The following KIRREL3 variants were observed in gnomAD, a reference collection of about 807,000 sequenced individuals.
The protein encoded by KIRREL3 is kirre like nephrin family adhesion molecule 3.
In KIRREL3, 36 loss-of-function variants were observed where a neutral mutation model predicts 89.7. The observed-to-expected ratio is 0.40, with a 90% CI of 0.31 to 0.53. The LOEUF (loss-of-function observed/expected upper bound fraction) is 0.53. KIRREL3 is among the 20% of genes least tolerant of loss of function. The probability of loss-of-function intolerance (pLI) is 0.49; values close to 1 mark genes in which losing one functional copy is unlikely to be tolerated. For missense variants in KIRREL3, 864 were observed against 1,056.6 expected, an observed-to-expected ratio of 0.82 and a Z score of 2.53; for synonymous variants, 445 against 441.4, an observed-to-expected ratio of 1.01 and a Z score of -0.10.
rs1642906350 is a variant in KIRREL3 at position 126,569,389 on chromosome 11, GGTAGACTCTGCTACAA to G, written c.56-6493_56-6478del. 1.3e-5 allele frequency among the ~76,000 whole-genome samples: 2 copies of G among 152,184 alleles called. No individual in the cohort carries two copies. The highest frequency in any genetic ancestry group is 3.9e-4 in the East Asian group (2 of 5,160). ...GGGGAAACAGCAGTTGGATCCTGTGGGTAGACTCTGCTACAAGCATTAATCCTACCCCTCTGGAACC... is the reference window on the plus strand; with the variant it reads ...GGGGAAACAGCAGTTGGATCCTGTGGGCATTAATCCTACCCCTCTGGAACC... On this transcript the variant is annotated intron_variant, in intron 1 of 16. Coordinates refer to ENST00000525144, the MANE Select transcript of KIRREL3 (RefSeq NM_032531.4). This position sits in a 1 kb window ranked among gnomAD's most constrained non-coding sequence, Gnocchi z 6.5.
At chr11:126,518,351 A>G (rs886899741) in intron 4 of KIRREL3, among the ~76,000 whole-genome samples, 2 of 152,218 alleles carry the variant, frequency 1.3e-5, no homozygotes, top group Admixed American at 6.5e-5. Context: ...TCTGTTGGCT[A>G]TATAATCTCT....
intron 4 of KIRREL3, among the ~76,000 whole-genome samples, chr11:126,500,295 T>G (rs1957813476): frequency 2.0e-5 from 3 of 152,164 alleles, no homozygotes; most frequent in Admixed American, 2.0e-4. Context: ...TTAATTTAAA[T>G]TTAAATAGCC....
At chr11:126,967,868 A>G (rs1188344679) in intron 1 of KIRREL3, among the ~76,000 whole-genome samples, 1 of 152,114 alleles carries the variant, frequency 6.6e-6, no homozygotes, top group African/African-American at 2.4e-5. Flanking sequence ...TACAATGCAC[A>G]AGACAACCCC....
chr11:126,585,147 C>T, intron 1 of KIRREL3, among the ~76,000 whole-genome samples: 1 of 150,890 alleles, frequency 6.6e-6, no homozygotes, highest in Non-Finnish European at 1.5e-5. Context: ...TCTCGATCTC[C>T]TGACCTCGCG....
intron 4 of KIRREL3, among the ~76,000 whole-genome samples, chr11:126,505,148 T>A (rs1407367762): frequency 1.3e-5 from 2 of 152,252 alleles, no homozygotes; most frequent in African/African-American, 4.8e-5. Context: ...TACTGTAAGT[T>A]CTAGCCAGTG....
chr11:126,521,378 C>G lies in KIRREL3; in HGVS notation c.370G>C (p.Val124Leu). 6.4e-7 allele frequency: 1 copy of G among 1,561,154 alleles called. No homozygotes were observed. The highest frequency in any genetic ancestry group is 8.7e-7 in the Non-Finnish European group (1 of 1,152,782). The change falls in exon 4 of 17, where the codon GTG (valine) becomes CTG (leucine). Residue 124 changes from valine (V) to leucine (L), a missense_variant. Val to Leu is a conservative substitution (Grantham distance 32). Transcript: ENST00000525144. This position sits in a 1 kb window ranked among gnomAD's most constrained non-coding sequence, Gnocchi z 4.1. ...GCCTGGATGGCCTGGCACTCGTACA[C>G]CGCATCGTCTTGCAGCTCTGCCCTC... The part of the protein sequence containing the change: ...ILRAELQDDA[V>L]YECQAIQAAI...
intron 1 of KIRREL3, among the ~76,000 whole-genome samples, chr11:126,722,569 A>C (rs1592021057): frequency 6.6e-6 from 1 of 152,278 alleles, no homozygotes; most frequent in Admixed American, 6.5e-5. Context: ...TGTATTGTCT[A>C]TGACTACTTT....
rs746202566 is a variant in KIRREL3, at chr11:126,576,090, C to T, written c.56-13178G>A. On this transcript the variant is annotated intron_variant, in intron 1 of 16. Coordinates refer to ENST00000525144, the MANE Select transcript of KIRREL3 (RefSeq NM_032531.4). The surrounding 1 kb of genome is among the most constrained non-coding windows in gnomAD (Gnocchi z 5.4). Reference sequence around the variant, plus strand: ...GCACTCAGTGCACATGTGTATGTGACGAGTAACTCCACAGACAGGGATGAT... The same window carrying T: ...GCACTCAGTGCACATGTGTATGTGATGAGTAACTCCACAGACAGGGATGAT... 4.3e-4 allele frequency among the ~76,000 whole-genome samples: 65 copies of T among 152,254 alleles called. No homozygotes were observed. The highest frequency in any genetic ancestry group is 3.4e-3 in the Middle Eastern group (1 of 294).
At chr11:126,979,676 C>G (rs978378884) in intron 1 of KIRREL3, among the ~76,000 whole-genome samples, 6 of 152,142 alleles carry the variant, frequency 3.9e-5, no homozygotes, top group African/African-American at 1.4e-4. Flanking sequence ...TCAGTTTCCT[C>G]GTCAGCAAAA....
Position 126,780,906 on chromosome 11 carries a change from C to T in KIRREL3, c.56-217994G>A, listed in dbSNP as rs976254341. Among the ~76,000 whole-genome samples, 1 of 152,198 alleles carries T rather than the reference C, an allele frequency of 6.6e-6. No homozygotes were observed. The highest frequency in any genetic ancestry group is 2.4e-5 in the African/African-American group (1 of 41,444). ...TCATCTATAAAATGGGATGAAGCTGCCTTATGGCTTAGTTTGTTATGAGTT... is the reference window on the plus strand; with the variant it reads ...TCATCTATAAAATGGGATGAAGCTGTCTTATGGCTTAGTTTGTTATGAGTT... On this transcript the variant is annotated intron_variant, in intron 1 of 16. Transcript: ENST00000525144. This position sits in a 1 kb window ranked among gnomAD's most constrained non-coding sequence, Gnocchi z 5.3.
intron 1 of KIRREL3, among the ~76,000 whole-genome samples, chr11:126,911,825 T>C (rs1946828422): frequency 6.6e-6 from 1 of 150,604 alleles, no homozygotes; most frequent in African/African-American, 2.5e-5. Flanking sequence ...CTACTAAAAA[T>C]CCAAAAAATT....
intron 1 of KIRREL3, among the ~76,000 whole-genome samples, chr11:126,923,129 C>CTCT (rs1187627189): frequency 0.012 from 309 of 25,734 alleles, 54 homozygotes; most frequent in South Asian, 0.022. Context: ...TCTCCTTCTT[C>CTCT]TCTTCTTCTT....
chr11:126,637,397 A>G (rs1201820611), intron 1 of KIRREL3, among the ~76,000 whole-genome samples: 1 of 152,120 alleles, frequency 6.6e-6, no homozygotes. Flanking sequence ...CCTTGGCCTC[A>G]TGTTCCCACT....
rs1944525194 is a variant in KIRREL3, at chr11:126,642,907, C to A, written c.56-79995G>T. On this transcript the variant is annotated intron_variant, in intron 1 of 16. Coordinates refer to ENST00000525144, the MANE Select transcript of KIRREL3 (RefSeq NM_032531.4). This position sits in a 1 kb window ranked among gnomAD's most constrained non-coding sequence, Gnocchi z 4.9. Reference sequence around the variant, plus strand: ...TTGAAGTGAGAAATTCAAAGGTGAACCAAGCATGGTTCCAGAGTACAAGGA... The same window carrying A: ...TTGAAGTGAGAAATTCAAAGGTGAAACAAGCATGGTTCCAGAGTACAAGGA... 6.6e-6 allele frequency among the ~76,000 whole-genome samples: 1 copy of A among 152,102 alleles called. No homozygotes were observed. The highest frequency in any genetic ancestry group is 2.4e-5 in the African/African-American group (1 of 41,426).
intron 1 of KIRREL3, among the ~76,000 whole-genome samples, chr11:126,828,607 G>A (rs1382367825): frequency 1.3e-5 from 2 of 152,126 alleles, no homozygotes; most frequent in African/African-American, 4.8e-5. Flanking sequence ...GTACAGATCT[G>A]CCCTCACTGG....
In KIRREL3 at chr11:126,516,683, T is replaced by A. The variant is rs187685281; in HGVS notation, c.433+4632A>T. ...CTTGCTTCCCAAGTTTCCAGGAAGT[T>A]GAAGAGATCAAGTGTAATGCCACCC... On this transcript the variant is annotated intron_variant, in intron 4 of 16. Transcript: ENST00000525144. This position sits in a 1 kb window ranked among gnomAD's most constrained non-coding sequence, Gnocchi z 4.9. Among the ~76,000 whole-genome samples, 1 of 152,268 alleles carries A rather than the reference T, an allele frequency of 6.6e-6. No homozygotes were observed. The highest frequency in any genetic ancestry group is 6.5e-5 in the Admixed American group (1 of 15,298).
chr11:126,646,208 G>T (rs992416347), intron 1 of KIRREL3, among the ~76,000 whole-genome samples: 9 of 152,092 alleles, frequency 5.9e-5, no homozygotes, highest in African/African-American at 2.2e-4. Flanking sequence ...CACTGAATCG[G>T]TCTGGGTTTG....
chr11:126,427,371 G>A lies in KIRREL3; in HGVS notation c.1807-1647C>T, dbSNP rs1954983503. Among the ~76,000 whole-genome samples the A allele has an allele frequency of 6.7e-6, 1 of 149,542 alleles. No homozygotes were observed. Among genetic ancestry groups the A allele is most frequent in the Non-Finnish European group, 1.5e-5 (1 of 67,436 alleles). ...TGGGGAAGCTGACATGGAATTGGGGGAATGCACTATAAAGGAGGCACATAC... is the reference window on the plus strand; with the variant it reads ...TGGGGAAGCTGACATGGAATTGGGGAAATGCACTATAAAGGAGGCACATAC... On this transcript the variant is annotated intron_variant, in intron 15 of 16. Coordinates refer to ENST00000525144, the MANE Select transcript of KIRREL3 (RefSeq NM_032531.4). The surrounding 1 kb of genome is among the most constrained non-coding windows in gnomAD (Gnocchi z 5.3).
intron 11 of KIRREL3, among the ~76,000 whole-genome samples, chr11:126,439,378 G>T (rs536109021): frequency 1.4e-3 from 210 of 151,654 alleles, no homozygotes; most frequent in Middle Eastern, 3.4e-3. Context: ...TAATTTTTTT[G>T]TTGTTGTTGT....
Sources: allele counts gnomAD v4.1 joint callset (sites outside exome capture counted in the v4.1 genomes callset), GRCh38; gene constraint gnomAD v4.1.1; non-coding constraint Gnocchi (gnomAD v3.1); transcripts MANE v1.5; gene names NCBI Gene and HGNC (gene_info 2026-07-23, HGNC 2026-07-21).